Variants in RBFOX1 observed in about 807,000 individuals in gnomAD.
The protein encoded by RBFOX1 is RNA binding protein fox-1 homolog 1.
In RBFOX1, 8 loss-of-function variants were observed where a neutral mutation model predicts 57.7. The ratio of observed to expected loss-of-function variants is 0.14; its 90% CI spans 0.08 to 0.25. The LOEUF (loss-of-function observed/expected upper bound fraction) is 0.25, where lower values mean the gene tolerates loss of function less well. Ranked by LOEUF, RBFOX1 falls within the 10% of genes least tolerant of loss-of-function variation. The pLI is 1.00. For missense variants in RBFOX1, 611 were observed against 548.5 expected (o/e 1.11, Z -1.14); for synonymous variants, 326 against 222.4 (o/e 1.47, Z -4.15).
chr16:5,877,174 G>A (rs879870720), intron 4 of RBFOX1, among the ~76,000 whole-genome samples: 7 of 152,220 alleles, frequency 4.6e-5, no homozygotes, highest in Admixed American at 1.3e-4. Context: ...TAGGCTTAGC[G>A]GTTCTAGAAT....
At chr16:5,414,339 T>C (rs980739579) in intron 1 of RBFOX1, among the ~76,000 whole-genome samples, 3 of 152,188 alleles carry the variant, frequency 2.0e-5, no homozygotes, top group African/African-American at 7.2e-5. Context: ...TTTGTTCCAC[T>C]TCCGTCCTCC....
At chr16:7,169,359 G>T (rs1462289484) in intron 4 of RBFOX1, among the ~76,000 whole-genome samples, 1 of 152,150 alleles carries the variant, frequency 6.6e-6, no homozygotes, top group Non-Finnish European at 1.5e-5. Flanking sequence ...TGGGTATATT[G>T]GGTCAGATAA....
intron 7 of RBFOX1, among the ~76,000 whole-genome samples, chr16:7,589,830 G>A (rs1263470774): frequency 1.3e-5 from 2 of 151,774 alleles, no homozygotes; most frequent in Admixed American, 6.6e-5. Flanking sequence ...GCCCTTACGA[G>A]CCAGGAACTC....
intron 2 of RBFOX1, among the ~76,000 whole-genome samples, chr16:6,592,747 T>G (rs977011009): frequency 6.6e-6 from 1 of 151,802 alleles, no homozygotes; most frequent in Non-Finnish European, 1.5e-5. Context: ...CACAGAGAGC[T>G]CCCCCTGGTA....
chr16:7,077,463 T>C (rs374011182), intron 4 of RBFOX1, among the ~76,000 whole-genome samples: 1 of 152,122 alleles, frequency 6.6e-6, no homozygotes, highest in Non-Finnish European at 1.5e-5. Context: ...GACGAACTAA[T>C]CTGTGAATAA....
At chr16:6,972,160 C>T (rs1012744445) in intron 3 of RBFOX1, among the ~76,000 whole-genome samples, 3 of 152,054 alleles carry the variant, frequency 2.0e-5, no homozygotes, top group Non-Finnish European at 2.9e-5. Flanking sequence ...CAGTAGTGTT[C>T]AGTATATTCA....
chr16:5,467,324 C>G, intron 2 of RBFOX1: 6 of 1,410,170 alleles, frequency 4.3e-6, no homozygotes, highest in Non-Finnish European at 4.8e-6. Flanking sequence ...ATAGAAAAAT[C>G]TTGCGTCACA....
intron 1 of RBFOX1, among the ~76,000 whole-genome samples, chr16:5,318,529 T>C (rs2151241952): frequency 6.6e-6 from 1 of 152,290 alleles, no homozygotes; most frequent in East Asian, 1.9e-4. Context: ...ACTCTGTGGA[T>C]TGCTTGGAAT....
At chr16:5,644,473 C>T (rs2048983163) in intron 3 of RBFOX1, among the ~76,000 whole-genome samples, 1 of 152,164 alleles carries the variant, frequency 6.6e-6, no homozygotes, top group African/African-American at 2.4e-5. Flanking sequence ...TTGGACTGTA[C>T]ACCATGGAGG....
intron 1 of RBFOX1, among the ~76,000 whole-genome samples, chr16:6,301,557 A>G (rs142742297): frequency 2.3e-4 from 35 of 152,190 alleles, no homozygotes; most frequent in African/African-American, 8.0e-4. Context: ...AAGATTTTCA[A>G]ATGAAAAAAA....
chr16:7,351,657 C>G (rs2097132033), intron 4 of RBFOX1, among the ~76,000 whole-genome samples: 2 of 152,172 alleles, frequency 1.3e-5, no homozygotes, highest in South Asian at 2.1e-4. Context: ...CTCACTTGTT[C>G]TCTTTTTTTC....
chr16:6,569,922 T>C (rs1013305549), intron 2 of RBFOX1, among the ~76,000 whole-genome samples: 1 of 152,226 alleles, frequency 6.6e-6, no homozygotes, highest in Non-Finnish European at 1.5e-5. Flanking sequence ...TACTGTACAA[T>C]TCACTTGTCC....
rs576912794 is a variant in RBFOX1 at position 7,139,964 on chromosome 16, T to C, written c.27+87866T>C. Among the ~76,000 whole-genome samples, 19 of 152,188 alleles carry C rather than the reference T, an allele frequency of 1.2e-4. No homozygotes were observed. The East Asian group carries it at 3.7e-3, about 30-fold the overall frequency. ...AAGGAAGAACTGACATGAGTTTTAGTTGCTGACTTGATATCCAAGTCAAGA... is the reference window on the plus strand; with the variant it reads ...AAGGAAGAACTGACATGAGTTTTAGCTGCTGACTTGATATCCAAGTCAAGA... On this transcript the variant is annotated intron_variant, in intron 4 of 15. Coordinates refer to ENST00000550418, the MANE Select transcript of RBFOX1 (RefSeq NM_018723.4).
chr16:6,479,570 A>G lies in RBFOX1; in HGVS notation c.-64+162513A>G, dbSNP rs567587423. On this transcript the variant is annotated intron_variant, in intron 2 of 15. Coordinates refer to ENST00000550418, the MANE Select transcript of RBFOX1 (RefSeq NM_018723.4). Reference sequence around the variant, plus strand: ...GCCACTGTACTCTACCCTGGGTGATAGAACGAGATGCTGTCTCAAAAAAGA... The same window carrying G: ...GCCACTGTACTCTACCCTGGGTGATGGAACGAGATGCTGTCTCAAAAAAGA... Among the ~76,000 whole-genome samples, 4 of 152,206 alleles carry G rather than the reference A, an allele frequency of 2.6e-5. No homozygotes were observed. In the South Asian group the frequency reaches 6.2e-4, roughly 24 times the overall value.
intron 2 of RBFOX1, among the ~76,000 whole-genome samples, chr16:6,326,789 G>A (rs919338879): frequency 2.0e-5 from 3 of 150,934 alleles, no homozygotes; most frequent in South Asian, 2.2e-4. Context: ...CCTCCCTGAC[G>A]TCCAGGCAGG....
chr16:5,791,632 C>T (rs1333087107), intron 3 of RBFOX1, among the ~76,000 whole-genome samples: 1 of 152,162 alleles, frequency 6.6e-6, no homozygotes, highest in Non-Finnish European at 1.5e-5. Context: ...CCCAAGGTCA[C>T]ACTATAGCAA....
chr16:6,229,390 A>G (rs1171026177), intron 1 of RBFOX1, among the ~76,000 whole-genome samples: 1 of 152,122 alleles, frequency 6.6e-6, no homozygotes, highest in Non-Finnish European at 1.5e-5. Context: ...ACTCTTGTGG[A>G]TCTCGTTTTC....
At chr16:6,400,632 C>G (rs1461934242) in intron 2 of RBFOX1, among the ~76,000 whole-genome samples, 2 of 152,100 alleles carry the variant, frequency 1.3e-5, no homozygotes, top group Non-Finnish European at 2.9e-5. Context: ...GCCTGTAATC[C>G]CAGCACTGTG....
In RBFOX1 at chr16:5,836,676, G is replaced by A. The variant is rs57195906; in HGVS notation, c.319-30627G>A. 5.7e-4 allele frequency among the ~76,000 whole-genome samples: 86 copies of A among 152,178 alleles called. 2 individuals carry two copies. The East Asian group carries it at 0.015, about 26-fold the overall frequency. ...TGGGGGCTGGGTTATTCTTTGTTGC[G>A]GGGGAGCTGTCCTGTGTGTTGTAGG... On this transcript the variant is annotated intron_variant, in intron 3 of 19. Coordinates refer to the RBFOX1 transcript ENST00000641259.
Sources: gnomAD v4.1 joint callset for allele counts (sites outside exome capture counted in the v4.1 genomes callset) on GRCh38, gnomAD v4.1.1 for gene constraint, MANE v1.5 for transcripts, NCBI Gene and HGNC (gene_info 2026-07-23, HGNC 2026-07-21) for gene names.